The following OPCML variants were observed in gnomAD, a reference collection of about 807,000 sequenced individuals.
OPCML encodes opioid binding protein/cell adhesion molecule like.
Under a neutral mutation model 37.8 loss-of-function variants are expected in OPCML, and 13 were observed. That is an observed-to-expected ratio of 0.34 (90% CI 0.22 to 0.55). The LOEUF (loss-of-function observed/expected upper bound fraction) is 0.55. Among genes scored for constraint, OPCML ranks in the 20% least tolerant of loss-of-function variants. OPCML has a pLI of 0.91. For synonymous variants in OPCML, 176 were observed against 168.8 expected, an observed-to-expected ratio of 1.04 and a Z score of -0.33; for missense variants, 341 against 435.6, an observed-to-expected ratio of 0.78 and a Z score of 1.93.
At chr11:133,026,351 C>G (rs1044320671) in intron 1 of OPCML, 30 of 973,834 alleles carry the variant, frequency 3.1e-5, no homozygotes, top group Non-Finnish European at 3.4e-5. Flanking sequence ...CTTATCCACG[C>G]GTAATACCCT....
At chr11:133,193,739 A>T (rs1370523110) in intron 1 of OPCML, among the ~76,000 whole-genome samples, 5 of 152,186 alleles carry the variant, frequency 3.3e-5, no homozygotes, top group Admixed American at 1.3e-4. Flanking sequence ...AGGAGGAAAA[A>T]ATAAGAACCA....
At chr11:132,747,103 T>C (rs1390716680) in intron 2 of OPCML, among the ~76,000 whole-genome samples, 1 of 152,184 alleles carries the variant, frequency 6.6e-6, no homozygotes, top group Non-Finnish European at 1.5e-5. Context: ...TTTATAATTA[T>C]AGTGATAATA....
chr11:133,210,736 G>A (rs889056509), intron 1 of OPCML, among the ~76,000 whole-genome samples: 4 of 152,158 alleles, frequency 2.6e-5, no homozygotes, highest in African/African-American at 9.6e-5. Flanking sequence ...TTTTCTAGGG[G>A]AAATGAACCT....
intron 1 of OPCML, among the ~76,000 whole-genome samples, chr11:133,040,555 G>A (rs932372658): frequency 2.2e-4 from 34 of 152,172 alleles, no homozygotes; most frequent in African/African-American, 8.0e-4. Context: ...AGTGTTGGAT[G>A]TCTGAAAACG....
At chr11:133,097,065 T>C (rs544347618) in intron 1 of OPCML, among the ~76,000 whole-genome samples, 1 of 152,294 alleles carries the variant, frequency 6.6e-6, no homozygotes, top group South Asian at 2.1e-4. Context: ...TTGAAATCTA[T>C]AGACTACTTT....
chr11:133,312,263 GAAAC>G (rs1943082139), intron 1 of OPCML, among the ~76,000 whole-genome samples: 2 of 152,114 alleles, frequency 1.3e-5, no homozygotes. Context: ...TCAACCAAAA[GAAAC>G]AAATATGCTT....
intron 1 of OPCML, among the ~76,000 whole-genome samples, chr11:133,276,324 C>T (rs894730198): frequency 3.9e-5 from 6 of 152,180 alleles, no homozygotes; most frequent in African/African-American, 1.4e-4. Context: ...CCTGAAAGAG[C>T]TGGACGAGCC....
intron 1 of OPCML, among the ~76,000 whole-genome samples, chr11:133,128,856 G>A (rs759266093): frequency 2.6e-5 from 4 of 152,122 alleles, no homozygotes; most frequent in Non-Finnish European, 5.9e-5. Context: ...GAGGACCCCA[G>A]GAAGCCCTCT....
intron 3 of OPCML, among the ~76,000 whole-genome samples, chr11:132,553,840 A>G (rs2096388094): frequency 1.3e-5 from 2 of 152,192 alleles, no homozygotes. Flanking sequence ...GACTTCACAG[A>G]TGAAAGTGCC....
intron 1 of OPCML, among the ~76,000 whole-genome samples, chr11:133,175,564 C>G (rs1950359326): frequency 6.6e-6 from 1 of 151,074 alleles, no homozygotes; most frequent in Non-Finnish European, 1.5e-5. Flanking sequence ...AACACAGTTT[C>G]TCTGTTCACA....
chr11:133,267,611 T>A (rs1205657535), intron 1 of OPCML, among the ~76,000 whole-genome samples: 1 of 152,220 alleles, frequency 6.6e-6, no homozygotes, highest in Non-Finnish European at 1.5e-5. Context: ...ATGACTGCCT[T>A]CTGCCTTTTA....
chr11:133,306,599 A>G (rs1169466704), intron 1 of OPCML, among the ~76,000 whole-genome samples: 7 of 152,198 alleles, frequency 4.6e-5, no homozygotes, highest in African/African-American at 1.7e-4. Context: ...TGTGATAACA[A>G]TGACAAGACT....
chr11:132,832,509 C>T (rs1287632464), intron 2 of OPCML, among the ~76,000 whole-genome samples: 1 of 152,198 alleles, frequency 6.6e-6, no homozygotes. Context: ...CTTACATGCA[C>T]ACACATACAT....
At chr11:133,140,522 T>TAAGAAGAAGAAG (rs1296215663) in intron 1 of OPCML, among the ~76,000 whole-genome samples, 44 of 59,450 alleles carry the variant, frequency 7.4e-4, no homozygotes, top group East Asian at 4.4e-3. Context: ...AAAATAATAA[T>TAAGAAGAAGAAG]AATAATAATA....
At chr11:133,207,966 T>C (rs1939174967) in intron 1 of OPCML, among the ~76,000 whole-genome samples, 1 of 152,154 alleles carries the variant, frequency 6.6e-6, no homozygotes, top group East Asian at 1.9e-4. Flanking sequence ...AAAATATTTT[T>C]CCCTCCTTTA....
At chr11:133,216,115 G>T (rs558957042) in intron 1 of OPCML, among the ~76,000 whole-genome samples, 1 of 152,144 alleles carries the variant, frequency 6.6e-6, no homozygotes, top group Non-Finnish European at 1.5e-5. Flanking sequence ...CAGAAAACAC[G>T]CAGTGCAGCC....
At chr11:133,256,046 G>A (rs1172270099) in intron 1 of OPCML, among the ~76,000 whole-genome samples, 1 of 152,148 alleles carries the variant, frequency 6.6e-6, no homozygotes, top group Non-Finnish European at 1.5e-5. Context: ...GGCGGCTAAG[G>A]CTATAATAAC....
chr11:133,198,977 G>T (rs929837111), intron 1 of OPCML, among the ~76,000 whole-genome samples: 14 of 152,230 alleles, frequency 9.2e-5, no homozygotes, highest in African/African-American at 3.1e-4. Flanking sequence ...TAAATAAATA[G>T]CTTACTCTCC....
chr11:133,079,555 C>T (rs1372879457), intron 1 of OPCML, among the ~76,000 whole-genome samples: 1 of 151,824 alleles, frequency 6.6e-6, no homozygotes, highest in Non-Finnish European at 1.5e-5. Context: ...GTACTCTACA[C>T]TTGTTCTGGG....
Sources: allele counts gnomAD v4.1 joint callset (sites outside exome capture counted in the v4.1 genomes callset), GRCh38; gene constraint gnomAD v4.1.1; transcripts MANE v1.5; gene names NCBI Gene and HGNC (gene_info 2026-07-23, HGNC 2026-07-21).